DST: variants seen among roughly 807,000 people sequenced by gnomAD.
The protein encoded by DST is bullous pemphigoid antigen.
A neutral mutation model predicts 875.2 loss-of-function variants in DST; 253 were observed. The observed-to-expected ratio is 0.29, with a 90% CI of 0.26 to 0.32. The LOEUF (loss-of-function observed/expected upper bound fraction) is 0.32, where lower values mean the gene tolerates loss of function less well. Among genes scored for constraint, DST ranks in the 10% least tolerant of loss-of-function variants. The pLI is 1.00. For missense variants in DST, 8,287 were observed against 9,111.6 expected (o/e 0.91, Z 3.68); for synonymous variants, 3,124 against 3,197.1 (o/e 0.98, Z 0.77).
intron 4 of DST, among the ~76,000 whole-genome samples, chr6:56,759,961 T>C (rs774729768): frequency 6.6e-6 from 1 of 152,232 alleles, no homozygotes; most frequent in Non-Finnish European, 1.5e-5. Flanking sequence ...GCACTGCATA[T>C]GTCAAAATCC....
At chr6:56,920,643 A>G (rs1285340641) in intron 2 of DST, among the ~76,000 whole-genome samples, 1 of 152,158 alleles carries the variant, frequency 6.6e-6, no homozygotes, top group Non-Finnish European at 1.5e-5. Context: ...TTTATTTTAT[A>G]GAAAGACAAG....
rs1480207376 is a variant in DST, at chr6:56,494,150, C to T, written c.20254G>A (p.Glu6752Lys). The T allele has an allele frequency of 2.5e-6, 4 of 1,605,114 alleles. No individual in the cohort carries two copies. Among genetic ancestry groups the T allele is most frequent in the Admixed American group, 3.3e-5 (2 of 59,704 alleles). ...TTCTGCATCAGACTCTTATATGTTTCTTCTTTAGCTTCAAAGGCAGCACAG... is the reference window on the plus strand; with the variant it reads ...TTCTGCATCAGACTCTTATATGTTTTTTCTTTAGCTTCAAAGGCAGCACAG... ...EVCAAFEAKE[E>K]TYKSLMQKGQ... is the part of the protein sequence containing the mutation. The change falls in exon 83 of 104, where the codon GAA becomes AAA. Residue 6752 changes from glutamate (E) to lysine (K), a missense_variant. Physicochemically the swap from Glu to Lys is moderately conservative, Grantham distance 56. Transcript: ENST00000680361.
intron 63 of DST, among the ~76,000 whole-genome samples, chr6:56,534,291 G>T (rs1210324877): frequency 6.6e-6 from 1 of 152,024 alleles, no homozygotes; most frequent in Non-Finnish European, 1.5e-5. Flanking sequence ...GTTCCAGAGG[G>T]GAGAAACCTT....
chr6:56,494,356 G>T (rs2095844327), intron 82 of DST, among the ~76,000 whole-genome samples, 176 bp from the exon 83 acceptor site: 1 of 152,102 alleles, frequency 6.6e-6, no homozygotes, highest in Non-Finnish European at 1.5e-5. Flanking sequence ...TAAACCTACA[G>T]TCATACCCTG....
At chr6:56,531,704 G>A (rs886427875) in intron 64 of DST, among the ~76,000 whole-genome samples, 3 of 152,104 alleles carry the variant, frequency 2.0e-5, no homozygotes, top group African/African-American at 7.2e-5. Flanking sequence ...ACTATGGCTA[G>A]TCAATGGCGG....
chr6:56,764,473 T>C (rs2099627604), intron 4 of DST, among the ~76,000 whole-genome samples: 1 of 152,174 alleles, frequency 6.6e-6, no homozygotes, highest in African/African-American at 2.4e-5. Flanking sequence ...TGGCTGCAGG[T>C]GCGGTATGTT....
At chr6:56,490,631 G>C (rs2095705795) in intron 85 of DST, among the ~76,000 whole-genome samples, 1 of 152,052 alleles carries the variant, frequency 6.6e-6, no homozygotes, top group Non-Finnish European at 1.5e-5. Context: ...AACTAGAATA[G>C]ACACATGAAT....
intron 2 of DST, among the ~76,000 whole-genome samples, chr6:56,901,629 A>ATG (rs57308811): frequency 0.012 from 1,892 of 151,412 alleles, 35 homozygotes; most frequent in East Asian, 0.04. Flanking sequence ...AAATATATAT[A>ATG]TGTGTGTGTG....
chr6:56,926,402 A>G (rs1028864615), intron 2 of DST, among the ~76,000 whole-genome samples: 1 of 152,246 alleles, frequency 6.6e-6, no homozygotes, highest in Non-Finnish European at 1.5e-5. Flanking sequence ...TAAGTAAACA[A>G]TGCAATAATG....
In DST at chr6:56,487,265, C is replaced by T; in HGVS notation, c.20886G>A (p.Gln6962=). The change falls in exon 87 of 104, where the codon CAG becomes CAA. Residue 6962 remains glutamine, a synonymous_variant. Transcript: ENST00000680361. ...KTQLAQHKEF[Q]KSLGAKHSVY... ...CAGAATGCTTGGCTCCGAGTGATTT[C>T]TGAAACTCCTAAATATTTAACAAGA... The T allele has an allele frequency of 1.3e-6, 2 of 1,558,940 alleles. No homozygotes were observed. Among genetic ancestry groups the T allele is most frequent in the Non-Finnish European group, 1.7e-6 (2 of 1,153,272 alleles).
At chr6:56,943,925 T>G (rs1161549537) in intron 2 of DST, among the ~76,000 whole-genome samples, 2 of 152,000 alleles carry the variant, frequency 1.3e-5, no homozygotes, top group East Asian at 1.9e-4. Context: ...GAGACCAACC[T>G]GGCCAACATG....
chr6:56,795,695 G>A (rs2099738587), intron 4 of DST, among the ~76,000 whole-genome samples: 1 of 152,120 alleles, frequency 6.6e-6, no homozygotes, highest in Non-Finnish European at 1.5e-5. Flanking sequence ...TAATTCTAAA[G>A]TGAAGCCAGG....
chr6:56,500,486 C>T (rs980261241), intron 80 of DST, among the ~76,000 whole-genome samples: 20 of 151,884 alleles, frequency 1.3e-4, no homozygotes, highest in African/African-American at 4.8e-4. Flanking sequence ...CTTTTTAAAA[C>T]GTAATAAATA....
intron 8 of DST, among the ~76,000 whole-genome samples, chr6:56,701,361 G>T (rs1330497510): frequency 6.6e-6 from 1 of 151,892 alleles, no homozygotes; most frequent in Non-Finnish European, 1.5e-5. Context: ...GGGGGCTATT[G>T]TCAGAAATGT....
intron 82 of DST, among the ~76,000 whole-genome samples, chr6:56,494,565 T>A (rs2095850089): frequency 3.9e-5 from 6 of 152,132 alleles, no homozygotes; most frequent in Admixed American, 3.3e-4. Flanking sequence ...CGTAGATCCC[T>A]CCTTGTACTA....
At chr6:56,559,308 G>A (rs1041410353) in intron 58 of DST, among the ~76,000 whole-genome samples, 9 of 152,052 alleles carry the variant, frequency 5.9e-5, no homozygotes, top group Non-Finnish European at 1.2e-4. Context: ...AAGTAATTCT[G>A]AGATCCTAGA....
At chr6:56,905,736 C>T (rs1796113184) in intron 2 of DST, among the ~76,000 whole-genome samples, 5 of 152,010 alleles carry the variant, frequency 3.3e-5, no homozygotes, top group Admixed American at 3.3e-4. Context: ...GCAACCTCCA[C>T]CTCCCGGGCT....
intron 4 of DST, among the ~76,000 whole-genome samples, chr6:56,780,506 T>C: frequency 6.6e-6 from 1 of 152,188 alleles, no homozygotes; most frequent in East Asian, 1.9e-4. Context: ...ATGTGTCTTT[T>C]GGCTGCATAA....
Position 56,616,108 on chromosome 6 carries a change from C to T in DST, c.4930-1624G>A, listed in dbSNP as rs558345330. The T allele has an allele frequency of 1.1e-5, 17 of 1,614,206 alleles. 1 individual carries two copies. In the East Asian group the frequency reaches 3.8e-4, roughly 36 times the overall value. On this transcript the variant is annotated intron_variant, in intron 36 of 103. Transcript: ENST00000680361. ...CAGAGATCCTTTCCCCACTAGCAGT[C>T]AGCCAATACCCTGCAACAGGACTGT...
Sources: allele counts gnomAD v4.1 joint callset (sites outside exome capture counted in the v4.1 genomes callset), GRCh38; gene constraint gnomAD v4.1.1; transcripts MANE v1.5; gene names NCBI Gene and HGNC (gene_info 2026-07-23, HGNC 2026-07-21).